The following ELFN1 variants were observed in gnomAD, a reference collection of about 807,000 sequenced individuals.
The protein encoded by ELFN1 is extracellular leucine rich repeat and fibronectin type III domain containing 1, also known as protein ELFN1.
A neutral mutation model predicts 7.6 loss-of-function variants in ELFN1; 6 were observed. That is an observed-to-expected ratio of 0.79 (90% confidence interval 0.43 to 1.56). The LOEUF (loss-of-function observed/expected upper bound fraction) is 1.56. Among genes scored for constraint, ELFN1 ranks in the 40% most tolerant of loss-of-function variants. The pLI, the probability that ELFN1 is intolerant of heterozygous loss-of-function variation, is 0.01. For synonymous variants in ELFN1, 657 were observed against 588.1 expected (o/e 1.12, Z -1.70); for missense variants, 1,169 against 1,232.2 (o/e 0.95, Z 0.77).
At chr7:1,712,638 G>A (rs1458005078) in intron 3 of ELFN1, among the ~76,000 whole-genome samples, 2 of 151,138 alleles carry the variant, frequency 1.3e-5, no homozygotes, top group African/African-American at 4.9e-5. Context: ...CGCCATGTTG[G>A]CCAGGCTGGT....
chr7:1,733,639 T>C (rs1430472631), intron 3 of ELFN1, among the ~76,000 whole-genome samples: 1 of 152,110 alleles, frequency 6.6e-6, no homozygotes, highest in East Asian at 1.9e-4. Flanking sequence ...TGCTGAAACC[T>C]CCTAGGCTAG....
intron 1 of ELFN1, among the ~76,000 whole-genome samples, chr7:1,675,277 G>A (rs1025614922): frequency 6.6e-6 from 1 of 152,198 alleles, no homozygotes; most frequent in Non-Finnish European, 1.5e-5. Flanking sequence ...TGACCGCGCT[G>A]AGAGCTTCTC....
intron 3 of ELFN1, among the ~76,000 whole-genome samples, chr7:1,724,099 C>G (rs9886168): frequency 0.21 from 31,418 of 152,210 alleles, 4,597 homozygotes; most frequent in African/African-American, 0.42. Flanking sequence ...ACATGTCTGC[C>G]CCTCGTCTGT....
chr7:1,675,743 C>T (rs564676462), intron 1 of ELFN1, among the ~76,000 whole-genome samples: 3 of 152,306 alleles, frequency 2.0e-5, no homozygotes, highest in South Asian at 2.1e-4. Context: ...GTCGCTGGCC[C>T]GGAGGGACGA....
intron 1 of ELFN1, among the ~76,000 whole-genome samples, chr7:1,685,112 T>A (rs1779041017): frequency 6.6e-6 from 1 of 152,240 alleles, no homozygotes; most frequent in African/African-American, 2.4e-5. Flanking sequence ...CTAACAAATT[T>A]TTTTTTGTTT....
At chr7:1,672,312 G>A (rs952870441) in intron 1 of ELFN1, among the ~76,000 whole-genome samples, 1 of 152,140 alleles carries the variant, frequency 6.6e-6, no homozygotes, top group African/African-American at 2.4e-5. Flanking sequence ...TTTTCAAAGT[G>A]TCTTTGGAGG....
intron 3 of ELFN1, among the ~76,000 whole-genome samples, chr7:1,738,355 G>A (rs534487597): frequency 1.3e-5 from 2 of 152,264 alleles, no homozygotes; most frequent in African/African-American, 4.8e-5. Context: ...AGGACCCCCT[G>A]TGGGTTAGGG....
Position 1,670,773 on chromosome 7 carries a change from C to T in ELFN1, c.-549+419C>T, listed in dbSNP as rs1778749159. Among the ~76,000 whole-genome samples, 1 of 152,172 alleles carries T rather than the reference C, an allele frequency of 6.6e-6. No homozygotes were observed. The highest frequency in any genetic ancestry group is 2.1e-4 in the South Asian group (1 of 4,834). On this transcript the variant is annotated intron_variant, in intron 1 of 3. Coordinates refer to ENST00000424383, the MANE Select transcript of ELFN1 (RefSeq NM_001128636.4). This position sits in a 1 kb window ranked among gnomAD's most constrained non-coding sequence, Gnocchi z 6.4. ...TTAGGGGGCTGTCCTCACCTCCTGG[C>T]CGAGTCGCTGACCCCTCCCCAGGCT...
Position 1,705,120 on chromosome 7 carries a change from C to T in ELFN1, c.-455-3971C>T, listed in dbSNP as rs1779504841. Among the ~76,000 whole-genome samples the T allele has an allele frequency of 1.3e-5, 2 of 152,018 alleles. No homozygotes were observed. The highest frequency in any genetic ancestry group is 1.3e-4 in the Admixed American group (2 of 15,270). ...CACCCAGTGGCCAAAGGGCAGAGCC[C>T]GCAGGAGGTAACAGCCTGAGGGCTG... On this transcript the variant is annotated intron_variant, in intron 2 of 3. Coordinates refer to ENST00000424383, the MANE Select transcript of ELFN1 (RefSeq NM_001128636.4). This position sits in a 1 kb window ranked among gnomAD's most constrained non-coding sequence, Gnocchi z 4.3.
At chr7:1,715,914 C>A (rs574988784) in intron 3 of ELFN1, among the ~76,000 whole-genome samples, 1 of 152,308 alleles carries the variant, frequency 6.6e-6, no homozygotes, top group South Asian at 2.1e-4. Flanking sequence ...GACCCTACCC[C>A]CGACTTTGAA....
chr7:1,676,072 A>C (rs983033655), intron 1 of ELFN1, among the ~76,000 whole-genome samples: 2 of 152,148 alleles, frequency 1.3e-5, no homozygotes, highest in Non-Finnish European at 2.9e-5. Flanking sequence ...CTTCCCGGAC[A>C]TGTCTGGAAA....
chr7:1,729,581 G>C (rs889670756), intron 3 of ELFN1, among the ~76,000 whole-genome samples: 1 of 152,200 alleles, frequency 6.6e-6, no homozygotes, highest in Non-Finnish European at 1.5e-5. Flanking sequence ...TGCCCAGGAC[G>C]GACACGGCTT....
At position 1,706,088 on chromosome 7, in the gene ELFN1, C is replaced by T. The variant is rs1050170587; in HGVS notation, c.-455-3003C>T. Among the ~76,000 whole-genome samples the T allele has an allele frequency of 4.6e-5, 7 of 152,314 alleles. No individual in the cohort carries two copies. In the East Asian group the frequency reaches 9.7e-4, roughly 21 times the overall value. On this transcript the variant is annotated intron_variant, in intron 2 of 3. Coordinates refer to ENST00000424383, the MANE Select transcript of ELFN1 (RefSeq NM_001128636.4). ...CTCCCTCTGGGTTCCTCCTCCGATC[C>T]ACCGCGGACCACATACAAGGGCAGG... is the stretch of plus-strand genomic sequence containing the variant.
In ELFN1 at chr7:1,744,776, C is replaced by A. The variant is rs368018088; in HGVS notation, c.180C>A (p.Ser60Arg). 5 of 1,555,324 alleles carry A rather than the reference C, an allele frequency of 3.2e-6. No homozygotes were observed. The highest frequency in any genetic ancestry group is 4.4e-6 in the Non-Finnish European group (5 of 1,149,020). Residue 60 changes from serine (S) to arginine (R), a missense_variant, in exon 4 of 4, where the codon AGC (serine) becomes AGA (arginine). Ser to Arg is a moderately radical substitution (Grantham distance 110). Coordinates refer to ENST00000424383, the MANE Select transcript of ELFN1 (RefSeq NM_001128636.4). ...AGGCCATCCCACAGCAGATCAACAG[C>A]ACCATCGTGGACCTGCGGCTCAACG... ...PYEAIPQQINSTIVDLRLNEN... is the reference protein window; with the variant it reads ...PYEAIPQQINRTIVDLRLNEN...
At chr7:1,698,772 T>C (rs953765957) in intron 2 of ELFN1, among the ~76,000 whole-genome samples, 5 of 152,218 alleles carry the variant, frequency 3.3e-5, no homozygotes, top group African/African-American at 1.2e-4. Context: ...AGGGTTGATA[T>C]CACTCTTAAA....
intron 3 of ELFN1, among the ~76,000 whole-genome samples, chr7:1,728,036 C>A (rs903781714): frequency 6.6e-6 from 1 of 152,174 alleles, no homozygotes; most frequent in African/African-American, 2.4e-5. Context: ...TTTGCATGGG[C>A]GGTTTTCTGT....
intron 3 of ELFN1, among the ~76,000 whole-genome samples, chr7:1,719,501 AC>A (rs1779952662): frequency 6.6e-6 from 1 of 152,124 alleles, no homozygotes; most frequent in African/African-American, 2.4e-5. Flanking sequence ...ACCCCTGGAG[AC>A]CCCTGTGTCT....
chr7:1,738,138 C>G (rs1290593586), intron 3 of ELFN1, among the ~76,000 whole-genome samples: 3 of 152,336 alleles, frequency 2.0e-5, no homozygotes, highest in Non-Finnish European at 4.4e-5. Context: ...CCTGGCCAGT[C>G]CCTTCACTCG....
intron 3 of ELFN1, among the ~76,000 whole-genome samples, chr7:1,734,179 A>G (rs1376474369): frequency 1.3e-5 from 2 of 152,090 alleles, no homozygotes; most frequent in South Asian, 2.1e-4. Flanking sequence ...GCATCCTTGG[A>G]CACCTAGACC....
Sources: allele counts gnomAD v4.1 joint callset (sites outside exome capture counted in the v4.1 genomes callset), GRCh38; gene constraint gnomAD v4.1.1; non-coding constraint Gnocchi (gnomAD v3.1); transcripts MANE v1.5; gene names NCBI Gene and HGNC (gene_info 2026-07-23, HGNC 2026-07-21).